MYOM1: variants seen among roughly 807,000 people sequenced by gnomAD.
MYOM1 encodes the protein myomesin 1.
MYOM1 carries 164 observed loss-of-function variants against 205.3 expected under a neutral mutation model. That is an observed-to-expected ratio of 0.80 (90% confidence interval 0.70 to 0.91). The LOEUF (loss-of-function observed/expected upper bound fraction) is 0.91. Ranked by LOEUF, MYOM1 falls within the 40% of genes least tolerant of loss-of-function variation. The probability of loss-of-function intolerance (pLI) is 0.00; values close to 1 mark genes in which losing one functional copy is unlikely to be tolerated. For synonymous variants in MYOM1, 772 were observed against 789.4 expected (o/e 0.98, Z 0.37); for missense variants, 2,011 against 2,127.3 (o/e 0.95, Z 1.08).
At chr18:3,074,004 T>A (rs3786402) in intron 36 of MYOM1, among the ~76,000 whole-genome samples, 48,546 of 152,078 alleles carry the variant, frequency 0.32, 7,974 homozygotes, top group African/African-American at 0.37. Context: ...CTGCATCAAT[T>A]TGAAGTAAGT....
At chr18:3,193,546 G>A (rs976887260) in intron 3 of MYOM1, among the ~76,000 whole-genome samples, 1 of 151,926 alleles carries the variant, frequency 6.6e-6, no homozygotes, top group African/African-American at 2.4e-5. Flanking sequence ...CATCCTACGT[G>A]ATGGCAAAAT....
chr18:3,089,538 T>A lies in MYOM1; in HGVS notation c.4068A>T (p.Gln1356His). ...EFQRQEWIRK[Q>H]GPHFVEYLSW... ...TCTTTATCCACGGCCTATTTTTACC[T>A]TGTTTCCTGATCCATTCTTGCCGCT... Residue 1356 changes from glutamine (Q) to histidine (H), a missense_variant and splice_region_variant, in exon 28 of 38, where the codon CAA becomes CAT. By Grantham distance (24) the Gln-to-His change is conservative. Transcript: ENST00000356443. The A allele has an allele frequency of 6.2e-7, 1 of 1,606,522 alleles. No homozygotes were observed. Among genetic ancestry groups the A allele is most frequent in the Non-Finnish European group, 8.5e-7 (1 of 1,176,532 alleles).
chr18:3,213,160 G>A (rs1395553701), intron 2 of MYOM1, among the ~76,000 whole-genome samples: 1 of 152,154 alleles, frequency 6.6e-6, no homozygotes, highest in Non-Finnish European at 1.5e-5. Flanking sequence ...TCTGCCTTTG[G>A]AAGCATGCCT....
At chr18:3,218,490 G>GA (rs2081296403) in intron 1 of MYOM1, among the ~76,000 whole-genome samples, 1 of 152,002 alleles carries the variant, frequency 6.6e-6, no homozygotes, top group Non-Finnish European at 1.5e-5. Context: ...TTTCCTAAGG[G>GA]AAAAAAATAG....
chr18:3,145,063 C>G (rs866917576), intron 13 of MYOM1, among the ~76,000 whole-genome samples: 1 of 152,158 alleles, frequency 6.6e-6, no homozygotes, highest in Admixed American at 6.5e-5. Flanking sequence ...AATCCCAGCA[C>G]TTTGGGAGGC....
At chr18:3,210,957 C>A (rs1011686996) in intron 2 of MYOM1, among the ~76,000 whole-genome samples, 3 of 152,156 alleles carry the variant, frequency 2.0e-5, no homozygotes, top group Non-Finnish European at 2.9e-5. Flanking sequence ...ATAGAGAATG[C>A]AATGCTGAAT....
intron 16 of MYOM1, among the ~76,000 whole-genome samples, chr18:3,132,389 ATC>A (rs951262427): frequency 3.9e-4 from 60 of 152,110 alleles, no homozygotes; most frequent in African/African-American, 1.1e-3. Context: ...CGACCTCGTG[ATC>A]CACCCACCTC....
At chr18:3,235,021 T>C in the MYOM1 span, among the ~76,000 whole-genome samples, 1 of 151,956 alleles carries the variant, frequency 6.6e-6, no homozygotes, top group African/African-American at 2.4e-5. Context: ...CCTCCCAAAG[T>C]ACTGGGATTA....
the MYOM1 span, among the ~76,000 whole-genome samples, chr18:3,235,751 T>C: frequency 1.4e-4 from 22 of 152,208 alleles, no homozygotes; most frequent in South Asian, 1.9e-3. Context: ...TTGGAAGTAA[T>C]AAGTGCAATG....
chr18:3,119,275 G>A (rs1488326063), intron 20 of MYOM1, among the ~76,000 whole-genome samples: 1 of 152,094 alleles, frequency 6.6e-6, no homozygotes, highest in African/African-American at 2.4e-5. Context: ...AAAAGTCAGT[G>A]CAGAGAGGCA....
intron 19 of MYOM1, among the ~76,000 whole-genome samples, chr18:3,123,022 G>A (rs552775168): frequency 2.3e-4 from 35 of 152,188 alleles, no homozygotes; most frequent in South Asian, 6.2e-4. Context: ...AGACGGTGTC[G>A]TGCTGTGTTG....
At chr18:3,236,975 G>A in the MYOM1 span, among the ~76,000 whole-genome samples, 1 of 152,154 alleles carries the variant, frequency 6.6e-6, no homozygotes, top group African/African-American at 2.4e-5. Flanking sequence ...AGGTGAGGGA[G>A]TGAGCACCTT....
At chr18:3,137,210 A>G (rs957323360) in intron 14 of MYOM1, among the ~76,000 whole-genome samples, 1 of 152,036 alleles carries the variant, frequency 6.6e-6, no homozygotes, top group Non-Finnish European at 1.5e-5. Flanking sequence ...CAGCCTCCCA[A>G]AGTGCTGGGA....
chr18:3,220,242 T>C (rs772598023), upstream of MYOM1: 1 of 152,000 alleles, frequency 6.6e-6, no homozygotes, highest in Non-Finnish European at 1.5e-5. Flanking sequence ...CAGCTAAAAA[T>C]AGGTGTAGTA....
rs78331937 is a variant in MYOM1 at position 3,072,350 on chromosome 18, CTT to C, written c.4709-463_4709-462del. Among the ~76,000 whole-genome samples, 196 of 56,186 alleles carry C rather than the reference CTT, an allele frequency of 3.5e-3. 3 individuals are homozygous for C. Among genetic ancestry groups the C allele is most frequent in the African/African-American group, 0.017 (182 of 10,698 alleles). 36.9% of individuals were successfully genotyped at this position (56,186 alleles called of 152,430 possible). On this transcript the variant is annotated intron_variant, in intron 36 of 37. Transcript: ENST00000356443. ...AGCAGGCGTGAGCCACCGCACCCGG[CTT>C]TTTTTTTTTTTTTTTTTTTGAGGCA...
chr18:3,240,641 T>C, the MYOM1 span, among the ~76,000 whole-genome samples: 7,240 of 152,186 alleles, frequency 0.048, 361 homozygotes, highest in East Asian at 0.27. Context: ...ATATAGCAAA[T>C]TGGTACCAGT....
chr18:3,144,106 T>C (rs2080090455), intron 13 of MYOM1, among the ~76,000 whole-genome samples: 1 of 151,790 alleles, frequency 6.6e-6, no homozygotes. Flanking sequence ...CTCAGGAGCC[T>C]GAGGCAGGAG....
At chr18:3,199,708 C>T (rs2081041491) in intron 2 of MYOM1, among the ~76,000 whole-genome samples, 1 of 152,144 alleles carries the variant, frequency 6.6e-6, no homozygotes, top group South Asian at 2.1e-4. Flanking sequence ...GGCATGGTGG[C>T]ACATGCCTAT....
At chr18:3,155,952 T>C (rs1267767114) in intron 10 of MYOM1, among the ~76,000 whole-genome samples, 1 of 152,194 alleles carries the variant, frequency 6.6e-6, no homozygotes, top group African/African-American at 2.4e-5. Context: ...AATACTCACA[T>C]CTGAGCTCAG....
Sources: gnomAD v4.1 joint callset for allele counts (sites outside exome capture counted in the v4.1 genomes callset) on GRCh38, gnomAD v4.1.1 for gene constraint, MANE v1.5 for transcripts, NCBI Gene and HGNC (gene_info 2026-07-23, HGNC 2026-07-21) for gene names.